NUMB: variants seen among roughly 807,000 people sequenced by gnomAD.
NUMB encodes protein numb homolog.
Under a neutral mutation model 59.7 loss-of-function variants are expected in NUMB, and 29 were observed. The observed-to-expected ratio is 0.49, with a 90% CI of 0.36 to 0.66. NUMB has a LOEUF of 0.66. Ranked by LOEUF, NUMB falls within the 30% of genes least tolerant of loss-of-function variation. The pLI is 0.00. For synonymous variants in NUMB, 288 were observed against 288.2 expected (o/e 1.00, Z 0.01); for missense variants, 723 against 822.0 (o/e 0.88, Z 1.47).
intron 1 of NUMB, among the ~76,000 whole-genome samples, chr14:73,455,373 A>G (rs889374743): frequency 3.3e-5 from 5 of 152,224 alleles, no homozygotes; most frequent in African/African-American, 1.2e-4. Context: ...TCTAGCTTTC[A>G]ATGGAAGAAA....
chr14:73,330,023 G>A (rs1291869229), intron 4 of NUMB, among the ~76,000 whole-genome samples: 4 of 152,014 alleles, frequency 2.6e-5, no homozygotes. Context: ...CTCAACAGCA[G>A]GGGCAAACAC....
intron 1 of NUMB, among the ~76,000 whole-genome samples, chr14:73,441,706 T>A (rs936420223): frequency 5.9e-5 from 9 of 151,466 alleles, no homozygotes; most frequent in African/African-American, 2.2e-4. Flanking sequence ...CAAGACCCCA[T>A]CTCTACCAAA....
chr14:73,425,364 A>C lies in NUMB; in HGVS notation c.-232-15296T>G, dbSNP rs75071978. On this transcript the variant is annotated intron_variant, in intron 1 of 12. Coordinates refer to ENST00000555238, the MANE Select transcript of NUMB (RefSeq NM_001005743.2). ...TATAGATTAAGATTAAATTTAATAT[A>C]ATTTTTAAACTTTGTTTAACAAATA... is the stretch of plus-strand genomic sequence containing the variant. 6.8e-3 allele frequency among the ~76,000 whole-genome samples: 1,042 copies of C among 152,316 alleles called. 5 individuals are homozygous for C. The highest frequency in any genetic ancestry group is 0.03 in the South Asian group (144 of 4,834).
chr14:73,307,935 G>A (rs566402031), intron 6 of NUMB, among the ~76,000 whole-genome samples: 3 of 151,886 alleles, frequency 2.0e-5, no homozygotes, highest in East Asian at 1.9e-4. Context: ...GGGTTTCACC[G>A]TGTTAGCCAG....
chr14:73,378,092 C>T (rs552699115), intron 2 of NUMB, among the ~76,000 whole-genome samples: 1 of 151,620 alleles, frequency 6.6e-6, no homozygotes, highest in Non-Finnish European at 1.5e-5. Context: ...ATTTAAAAAT[C>T]GGCAAAGACT....
intron 5 of NUMB, among the ~76,000 whole-genome samples, chr14:73,319,345 T>C (rs535531311): frequency 6.6e-6 from 1 of 152,356 alleles, no homozygotes; most frequent in African/African-American, 2.4e-5. Context: ...GGTGGTACAG[T>C]GATGAGCATA....
chr14:73,373,677 T>A (rs925611039), intron 2 of NUMB, among the ~76,000 whole-genome samples: 3 of 151,448 alleles, frequency 2.0e-5, no homozygotes, highest in African/African-American at 7.3e-5. Context: ...AATGTTTGAG[T>A]TAGGCCTCAC....
chr14:73,327,748 T>A (rs1891739090), intron 4 of NUMB, among the ~76,000 whole-genome samples: 1 of 152,126 alleles, frequency 6.6e-6, no homozygotes. Flanking sequence ...GATTTACTCA[T>A]TTTTAAAAAA....
At position 73,275,286 on chromosome 14, in the gene NUMB, C is replaced by T. The variant is rs187755714; in HGVS notation, c.*1292G>A. 2.6e-5 allele frequency: 4 copies of T among 152,652 alleles called. No individual in the cohort carries two copies. Among genetic ancestry groups the T allele is most frequent in the African/African-American group, 7.2e-5 (3 of 41,524 alleles). The allele number at this position is 152,652 out of a possible 1,614,324, so 9.5% of individuals were successfully genotyped here. On this transcript the variant is annotated 3_prime_UTR_variant, in exon 13 of 13. Coordinates refer to ENST00000555238, the MANE Select transcript of NUMB (RefSeq NM_001005743.2). ...CATCAGTACAAATATATATAACTTA[C>T]ATTTGATTGTAAGGCCAACGTTCAA...
chr14:73,367,346 T>TAGAGAGAGAGAGAGAGAGAGAG (rs1288750867), intron 2 of NUMB, among the ~76,000 whole-genome samples: 35 of 91,252 alleles, frequency 3.8e-4, no homozygotes, highest in South Asian at 9.4e-4. Flanking sequence ...TATATATATA[T>TAGAGAGAGAGAGAGAGAGAGAG]ATAGAGAGAG....
chr14:73,336,050 G>C (rs1892296518), intron 4 of NUMB, among the ~76,000 whole-genome samples: 1 of 152,146 alleles, frequency 6.6e-6, no homozygotes, highest in Admixed American at 6.6e-5. Flanking sequence ...AAAAATGTGA[G>C]ATCCCAAAAC....
intron 4 of NUMB, among the ~76,000 whole-genome samples, chr14:73,329,818 G>A (rs1198015327): frequency 2.0e-5 from 3 of 152,132 alleles, no homozygotes; most frequent in Non-Finnish European, 2.9e-5. Flanking sequence ...CAGTAGTGTT[G>A]TTTCAAGAAT....
intron 2 of NUMB, among the ~76,000 whole-genome samples, chr14:73,406,500 G>A (rs970275331): frequency 2.6e-5 from 4 of 152,028 alleles, no homozygotes; most frequent in African/African-American, 9.7e-5. Context: ...ATCATTGATG[G>A]ACATTTGGGT....
chr14:73,407,589 C>A (rs889492450), intron 2 of NUMB, among the ~76,000 whole-genome samples: 2 of 152,322 alleles, frequency 1.3e-5, no homozygotes, highest in Middle Eastern at 3.4e-3. Context: ...CTAGGTGGTT[C>A]AGTTATTTTC....
intron 8 of NUMB, among the ~76,000 whole-genome samples, chr14:73,292,059 GA>G (rs952243462): frequency 1.8e-4 from 28 of 151,996 alleles, no homozygotes; most frequent in Non-Finnish European, 3.8e-4. Context: ...TGTTTTTGGA[GA>G]CAAGGTCTCA....
chr14:73,282,950 G>C (rs1415195223), intron 10 of NUMB, among the ~76,000 whole-genome samples: 6 of 152,174 alleles, frequency 3.9e-5, no homozygotes, highest in Non-Finnish European at 7.3e-5. Flanking sequence ...TCAAGTCTGG[G>C]CACTAGTGGA....
chr14:73,403,200 C>A (rs1050302305), intron 2 of NUMB, among the ~76,000 whole-genome samples: 3 of 152,164 alleles, frequency 2.0e-5, no homozygotes, highest in Admixed American at 2.0e-4. Flanking sequence ...CCTGCAGTAG[C>A]CATCTTAAGA....
chr14:73,417,874 A>G (rs961847999), intron 1 of NUMB, among the ~76,000 whole-genome samples: 1 of 152,240 alleles, frequency 6.6e-6, no homozygotes, highest in African/African-American at 2.4e-5. Context: ...TGGGAGGATG[A>G]GGTAGGTAGA....
At chr14:73,291,313 T>A (rs1478702686) in intron 8 of NUMB, among the ~76,000 whole-genome samples, 1 of 152,112 alleles carries the variant, frequency 6.6e-6, no homozygotes, top group Admixed American at 6.5e-5. Context: ...ACTCCTGACC[T>A]CAAGTGATCT....
Sources: gnomAD v4.1 joint callset for allele counts (sites outside exome capture counted in the v4.1 genomes callset) on GRCh38, gnomAD v4.1.1 for gene constraint, MANE v1.5 for transcripts, NCBI Gene and HGNC (gene_info 2026-07-23, HGNC 2026-07-21) for gene names.